C2CD5: variants seen among roughly 807,000 people sequenced by gnomAD.
C2CD5 encodes C2 domain-containing protein 5.
C2CD5 carries 109 observed loss-of-function variants against 130.3 expected under a neutral mutation model. The ratio of observed to expected loss-of-function variants is 0.84; its 90% CI spans 0.72 to 0.98. The LOEUF is 0.98. C2CD5 is among the 50% of genes least tolerant of loss of function. The pLI is 0.00. For missense variants in C2CD5, 996 were observed against 1,261.8 expected, an observed-to-expected ratio of 0.79 and a Z score of 3.19; for synonymous variants, 454 against 429.2, an observed-to-expected ratio of 1.06 and a Z score of -0.71.
Position 22,544,117 on chromosome 12 carries a change from C to T in C2CD5, c.34G>A (p.Gly12Arg). 6.2e-7 allele frequency: 1 copy of T among 1,614,058 alleles called. No homozygotes were observed. Among genetic ancestry groups the T allele is most frequent in the Non-Finnish European group, 8.5e-7 (1 of 1,179,956 alleles). The change falls in exon 2 of 27, where the codon GGG becomes AGG. Residue 12 changes from glycine to arginine, a missense_variant. By Grantham distance (125) the Gly-to-Arg change is moderately radical. Around this residue, in one of 9 missense-constraint regions of C2CD5, gnomAD observed 68 missense variants for 154.5 expected, o/e 0.44. Coordinates refer to ENST00000446597, the MANE Select transcript of C2CD5 (RefSeq NM_001286176.2). ...CGGTCCATCACTGGCAAATGGCGCC[C>T]GGCCACGATTTTCACCTTCAGCTTC... Reference protein sequence around the residue: ...PGKLKVKIVAGRHLPVMDRAS... With the variant: ...PGKLKVKIVARRHLPVMDRAS...
intron 5 of C2CD5, among the ~76,000 whole-genome samples, 175 bp from the exon 6 acceptor site, chr12:22,524,802 A>G (rs187123115): frequency 6.6e-6 from 1 of 152,318 alleles, no homozygotes. Flanking sequence ...TTTCATTTTT[A>G]GAAATAATTA....
At chr12:22,478,792 G>T (rs1380463817) in intron 14 of C2CD5, among the ~76,000 whole-genome samples, 1 of 151,958 alleles carries the variant, frequency 6.6e-6, no homozygotes, top group East Asian at 1.9e-4. Flanking sequence ...GTTGCAGTGA[G>T]TCAGGATCAT....
chr12:22,517,911 T>C (rs1285340097), intron 8 of C2CD5, 75 bp downstream of exon 8: 2 of 1,257,618 alleles, frequency 1.6e-6, no homozygotes, highest in East Asian at 2.4e-5. Context: ...AGGAAAGATT[T>C]GGATGGAAAG....
chr12:22,465,262 T>C (rs1188840726), intron 22 of C2CD5, among the ~76,000 whole-genome samples: 1 of 151,788 alleles, frequency 6.6e-6, no homozygotes, highest in Non-Finnish European at 1.5e-5. Flanking sequence ...ACAAGGTGGG[T>C]ATTAAAAAAA....
intron 8 of C2CD5, among the ~76,000 whole-genome samples, chr12:22,515,926 A>T (rs1273819943): frequency 6.6e-6 from 1 of 152,000 alleles, no homozygotes. Flanking sequence ...TATTAGTTAA[A>T]TACTTGGGAA....
intron 10 of C2CD5, among the ~76,000 whole-genome samples, chr12:22,499,862 T>C (rs969737087): frequency 6.6e-6 from 1 of 152,114 alleles, no homozygotes; most frequent in Non-Finnish European, 1.5e-5. Context: ...AAATAAATTC[T>C]AATATTGAGT....
intron 15 of C2CD5, among the ~76,000 whole-genome samples, chr12:22,475,368 A>G (rs1392506152): frequency 3.9e-5 from 6 of 152,212 alleles, no homozygotes; most frequent in Non-Finnish European, 5.9e-5. Flanking sequence ...GAGTATGAAT[A>G]CATATATACT....
chr12:22,449,981 A>G (rs2135913329), intron 26 of C2CD5, 90 bp from the exon 27 acceptor site: 1 of 982,266 alleles, frequency 1.0e-6, no homozygotes, highest in Non-Finnish European at 1.5e-6. Flanking sequence ...ACAGCCAAAA[A>G]ACACAGGCTT....
At position 22,541,913 on chromosome 12, in the gene C2CD5, A is replaced by T. The variant is rs545988166; in HGVS notation, c.90+2148T>A. ...ATGTATATACATCGGCTAGACCAGT[A>T]ACTAGCCCAGAGCCTGGCAAACGGC... On this transcript the variant is annotated intron_variant, in intron 2 of 26. Coordinates refer to ENST00000446597, the MANE Select transcript of C2CD5 (RefSeq NM_001286176.2). Among the ~76,000 whole-genome samples, 44 of 152,328 alleles carry T rather than the reference A, an allele frequency of 2.9e-4. 2 individuals carry two copies. In the South Asian group the frequency reaches 9.1e-3, roughly 32 times the overall value.
chr12:22,475,067 T>C (rs1359590279), intron 15 of C2CD5, among the ~76,000 whole-genome samples, 176 bp from the exon 16 acceptor site: 1 of 152,166 alleles, frequency 6.6e-6, no homozygotes, highest in Non-Finnish European at 1.5e-5. Flanking sequence ...TATGGCAGCC[T>C]TAATGATACA....
At chr12:22,457,696 T>C (rs1187846162) in intron 24 of C2CD5, among the ~76,000 whole-genome samples, 2 of 152,058 alleles carry the variant, frequency 1.3e-5, no homozygotes, top group Non-Finnish European at 2.9e-5. Flanking sequence ...TGGTTGTTTA[T>C]AAAGTAAAAA....
chr12:22,537,924 C>G (rs553707473), intron 2 of C2CD5, among the ~76,000 whole-genome samples: 2 of 152,274 alleles, frequency 1.3e-5, no homozygotes, highest in African/African-American at 4.8e-5. Flanking sequence ...CCATCTTACT[C>G]TAGAGATTCC....
intron 14 of C2CD5, among the ~76,000 whole-genome samples, chr12:22,479,588 G>A (rs935050715): frequency 6.6e-6 from 1 of 152,124 alleles, no homozygotes; most frequent in Non-Finnish European, 1.5e-5. Context: ...CAAACGATCT[G>A]AACTGAGTGT....
At position 22,482,702 on chromosome 12, in the gene C2CD5, G is replaced by C. The variant is rs1428655930; in HGVS notation, c.1592C>G (p.Ala531Gly). The part of the protein sequence containing the change: ...LKKKAQAEAN[A>G]TAISNLLPFM... ...TGGCAAGAGATTACTGATAGCTGTA[G>C]CATTTGCTTCTGCCTGTGCTTTCTT... The change falls in exon 14 of 27, where the codon GCT becomes GGT. Residue 531 changes from alanine (A) to glycine (G), a missense_variant. Ala to Gly is a moderately conservative substitution (Grantham distance 60, BLOSUM62 0). Coordinates refer to ENST00000446597, the MANE Select transcript of C2CD5 (RefSeq NM_001286176.2). 5 of 1,613,560 alleles carry C rather than the reference G, an allele frequency of 3.1e-6. No homozygotes were observed. Among genetic ancestry groups the C allele is most frequent in the Admixed American group, 1.7e-5 (1 of 59,998 alleles).
intron 11 of C2CD5, among the ~76,000 whole-genome samples, chr12:22,491,878 CA>C (rs202192466): frequency 1.9e-4 from 25 of 134,238 alleles, no homozygotes; most frequent in East Asian, 2.4e-4. Context: ...TCTCAAAAAA[CA>C]AAAAAAAAAA....
At chr12:22,489,193 T>G (rs536086150) in intron 12 of C2CD5, among the ~76,000 whole-genome samples, 10 of 151,956 alleles carry the variant, frequency 6.6e-5, no homozygotes, top group Admixed American at 5.9e-4. Context: ...CCTTTCTTAA[T>G]ATATACTTAA....
chr12:22,526,511 C>A (rs942269141), intron 4 of C2CD5, among the ~76,000 whole-genome samples: 1 of 152,060 alleles, frequency 6.6e-6, no homozygotes, highest in Non-Finnish European at 1.5e-5. Context: ...CTTAACAATG[C>A]AAGAATCTGA....
At chr12:22,502,380 T>C (rs1014026263) in intron 10 of C2CD5, among the ~76,000 whole-genome samples, 1 of 152,120 alleles carries the variant, frequency 6.6e-6, no homozygotes, top group Non-Finnish European at 1.5e-5. Flanking sequence ...AAACATTACT[T>C]ATATTTAACA....
Position 22,506,710 on chromosome 12 carries a change from C to T in C2CD5, c.1147+1G>A. 2.0e-6 allele frequency: 3 copies of T among 1,502,362 alleles called. No individual in the cohort carries two copies. The highest frequency in any genetic ancestry group is 2.8e-6 in the Non-Finnish European group (3 of 1,078,618). 93.1% of individuals were successfully genotyped at this position (1,502,362 alleles called of 1,614,324 possible). On this transcript the variant is annotated splice_donor_variant, in intron 10 of 26. Coordinates refer to ENST00000446597, the MANE Select transcript of C2CD5 (RefSeq NM_001286176.2). LOFTEE classifies it high-confidence loss of function. ...AACATTGAAACTTTTTAAGAACATA[C>T]CAGGATTGTGGATACGATCCAAAAG...
Sources: gnomAD v4.1 joint callset for allele counts (sites outside exome capture counted in the v4.1 genomes callset) on GRCh38, gnomAD v4.1.1 for gene constraint, gnomAD v4.1.1 regional missense constraint, MANE v1.5 for transcripts, NCBI Gene and HGNC (gene_info 2026-07-23, HGNC 2026-07-21) for gene names.